ANAPC4: variants seen among roughly 807,000 people sequenced by gnomAD.
ANAPC4 encodes anaphase promoting complex subunit 4, also known as anaphase-promoting complex subunit 4.
In ANAPC4, 63 loss-of-function variants were observed where a neutral mutation model predicts 119.8. The ratio of observed to expected loss-of-function variants is 0.53; its 90% CI spans 0.43 to 0.65. ANAPC4 has a LOEUF of 0.65. ANAPC4 is among the 30% of genes least tolerant of loss of function. ANAPC4 has a pLI of 0.00. For synonymous variants in ANAPC4, 283 were observed against 318.6 expected (o/e 0.89, Z 1.19); for missense variants, 716 against 945.1 (o/e 0.76, Z 3.18).
chr4:25,378,197 A>G (rs1721515993), intron 2 of ANAPC4, among the ~76,000 whole-genome samples: 1 of 152,232 alleles, frequency 6.6e-6, no homozygotes, highest in South Asian at 2.1e-4. Context: ...TTCATCGAGT[A>G]TAAACCAGTT....
At position 25,416,460 on chromosome 4, in the gene ANAPC4, A is replaced by G. The variant is rs778192398; in HGVS notation, c.1937A>G (p.Asp646Gly). 6 of 1,584,902 alleles carry G rather than the reference A, an allele frequency of 3.8e-6. No homozygotes were observed. The highest frequency in any genetic ancestry group is 1.7e-5 in the Admixed American group (1 of 57,926). ...TGTTTAGATGCACAGTTTTATGATG[A>G]TGAAACTGTAACAGTAGTTCTTAAA... ...YSCLDAQFYD[D>G]ETVTVVLKDT... is the part of the protein sequence containing the mutation. The change falls in exon 27 of 29, where the codon GAT (aspartate) becomes GGT (glycine). Residue 646 changes from aspartate to glycine, a missense_variant. Around this residue, in one of 3 missense-constraint regions of ANAPC4, gnomAD observed 504 missense variants for 615.8 expected, o/e 0.82. Coordinates refer to ENST00000315368, the MANE Select transcript of ANAPC4 (RefSeq NM_013367.3).
intron 4 of ANAPC4, among the ~76,000 whole-genome samples, chr4:25,385,685 G>C (rs559040145): frequency 6.6e-6 from 1 of 152,290 alleles, no homozygotes; most frequent in South Asian, 2.1e-4. Flanking sequence ...AAGAAGCCTA[G>C]CTTTTGGCCT....
intron 9 of ANAPC4, among the ~76,000 whole-genome samples, chr4:25,391,651 A>T (rs1009040549): frequency 9.2e-5 from 14 of 152,264 alleles, no homozygotes; most frequent in Non-Finnish European, 4.4e-5. Context: ...TATTTAGATC[A>T]TAGCCTTGCC....
intron 28 of ANAPC4, 156 bp from the exon 29 acceptor site, chr4:25,417,999 T>A: frequency 1.1e-6 from 1 of 887,892 alleles, no homozygotes; most frequent in Non-Finnish European, 1.7e-6. Context: ...GATCTTTTTA[T>A]ACAAAATGAA....
intron 28 of ANAPC4, 196 bp from the exon 29 acceptor site, chr4:25,417,959 C>A: frequency 1.2e-6 from 1 of 843,102 alleles, no homozygotes; most frequent in Non-Finnish European, 1.8e-6. Context: ...AGATTTTAAT[C>A]TCACGAAATT....
chr4:25,415,691 C>G (rs1723829698), intron 26 of ANAPC4, 151 bp downstream of exon 26: 5 of 605,990 alleles, frequency 8.3e-6, no homozygotes, highest in Non-Finnish European at 1.4e-5. Flanking sequence ...TGTATTTATA[C>G]ATAGAGAATG....
At chr4:25,390,399 T>C (rs1429036335) in intron 8 of ANAPC4, among the ~76,000 whole-genome samples, 179 bp downstream of exon 8, 1 of 152,214 alleles carries the variant, frequency 6.6e-6, no homozygotes, top group Non-Finnish European at 1.5e-5. Context: ...TCTATAAAGA[T>C]TGGGAGCTAT....
intron 17 of ANAPC4, among the ~76,000 whole-genome samples, chr4:25,403,724 G>A (rs1723103661): frequency 6.6e-6 from 1 of 152,082 alleles, no homozygotes; most frequent in Admixed American, 6.5e-5. Flanking sequence ...CCACATTTGA[G>A]GTTCTCAGCA....
At chr4:25,404,819 A>G (rs565870559) in intron 17 of ANAPC4, among the ~76,000 whole-genome samples, 1 of 152,140 alleles carries the variant, frequency 6.6e-6, no homozygotes. Context: ...ATATATTGCT[A>G]GCACCTAGGG....
chr4:25,390,490 T>C (rs1394398666), intron 8 of ANAPC4, among the ~76,000 whole-genome samples: 1 of 152,254 alleles, frequency 6.6e-6, no homozygotes, highest in Non-Finnish European at 1.5e-5. Context: ...TTTGATGTTT[T>C]TCTAGTGTGA....
At chr4:25,412,374 C>T (rs181470772) in intron 21 of ANAPC4, among the ~76,000 whole-genome samples, 118 of 152,218 alleles carry the variant, frequency 7.8e-4, no homozygotes, top group Admixed American at 1.8e-3. Context: ...GCCCCTCTCT[C>T]TTCCTTGGAG....
At chr4:25,394,956 G>A (rs759698122) in intron 14 of ANAPC4, 51 bp downstream of exon 14, 27 of 1,393,732 alleles carry the variant, frequency 1.9e-5, no homozygotes, top group East Asian at 1.4e-4. Flanking sequence ...CATACCTGGC[G>A]TTGGCCTTCT....
chr4:25,414,746 A>G, intron 25 of ANAPC4, 46 bp downstream of exon 25: 2 of 1,410,704 alleles, frequency 1.4e-6, no homozygotes, highest in South Asian at 3.1e-5. Context: ...AGATTTTATT[A>G]TTTGTAAGAA....
intron 28 of ANAPC4, 94 bp from the exon 29 acceptor site, chr4:25,418,061 A>G: frequency 8.2e-7 from 1 of 1,217,152 alleles, no homozygotes; most frequent in South Asian, 1.5e-5. Context: ...ACTTTCCTAT[A>G]AAACCATTCT....
At chr4:25,399,782 G>A (rs1722857369) in intron 16 of ANAPC4, among the ~76,000 whole-genome samples, 1 of 152,296 alleles carries the variant, frequency 6.6e-6, no homozygotes, top group African/African-American at 2.4e-5. Flanking sequence ...GCACATTGGT[G>A]TTATTTAAAG....
At chr4:25,383,733 A>G (rs78936725) in intron 4 of ANAPC4, among the ~76,000 whole-genome samples, 2,198 of 152,344 alleles carry the variant, frequency 0.014, 21 homozygotes, top group Admixed American at 0.019. Flanking sequence ...CAATGACATC[A>G]TGTCTAAAAA....
At chr4:25,407,851 C>T (rs569505064) in intron 20 of ANAPC4, among the ~76,000 whole-genome samples, 1 of 152,048 alleles carries the variant, frequency 6.6e-6, no homozygotes, top group South Asian at 2.1e-4. Flanking sequence ...GCCAAGATTG[C>T]ATCACTGCAC....
At chr4:25,417,963 C>CTA in intron 28 of ANAPC4, 192 bp from the exon 29 acceptor site, 1 of 840,668 alleles carries the variant, frequency 1.2e-6, no homozygotes, top group Non-Finnish European at 1.8e-6. Context: ...TTTAATCTCA[C>CTA]GAAATTGCCA....
intron 16 of ANAPC4, among the ~76,000 whole-genome samples, chr4:25,398,778 G>C (rs1722791709): frequency 6.6e-6 from 1 of 152,042 alleles, no homozygotes; most frequent in Non-Finnish European, 1.5e-5. Flanking sequence ...GATATATTTT[G>C]AGAATGTAAT....
Sources: gnomAD v4.1 joint callset for allele counts (sites outside exome capture counted in the v4.1 genomes callset) on GRCh38, gnomAD v4.1.1 for gene constraint, gnomAD v4.1.1 regional missense constraint, MANE v1.5 for transcripts, NCBI Gene and HGNC (gene_info 2026-07-23, HGNC 2026-07-21) for gene names.